Variants in VPS37C observed in about 807,000 individuals in gnomAD.
VPS37C encodes vacuolar protein sorting-associated protein 37C.
A neutral mutation model predicts 16.1 loss-of-function variants in VPS37C; 9 were observed. The observed-to-expected ratio is 0.56, with a 90% CI of 0.34 to 0.97. The LOEUF is 0.97. Among genes scored for constraint, VPS37C ranks in the 50% least tolerant of loss-of-function variants. The pLI is 0.02. For synonymous variants in VPS37C, 207 were observed against 206.4 expected (o/e 1.00, Z -0.02); for missense variants, 479 against 472.7 (o/e 1.01, Z -0.12).
At chr11:61,158,931 G>T (rs549721980) in intron 1 of VPS37C, among the ~76,000 whole-genome samples, 82 of 152,302 alleles carry the variant, frequency 5.4e-4, no homozygotes, top group African/African-American at 1.9e-3. Flanking sequence ...TCTGTCATTC[G>T]GTAAGCACCT....
In VPS37C at chr11:61,140,894, G is replaced by A. The variant is rs116773595; in HGVS notation, c.-6-2059C>T. Among the ~76,000 whole-genome samples, 865 of 152,180 alleles carry A rather than the reference G, an allele frequency of 5.7e-3. 10 individuals carry two copies. Among genetic ancestry groups the A allele is most frequent in the African/African-American group, 0.02 (834 of 41,510 alleles). The stretch of plus-strand genomic sequence containing the variant: ...CATTCTGTCCACACCTCACCTTACC[G>A]CTCCAAAACCCTTGGTCTAAAAGCC... On this transcript the variant is annotated intron_variant, in intron 1 of 4. Coordinates refer to ENST00000301765, the MANE Select transcript of VPS37C (RefSeq NM_017966.5).
At chr11:61,151,453 G>GCAGA (rs1431735647) in intron 1 of VPS37C, among the ~76,000 whole-genome samples, 1 of 152,204 alleles carries the variant, frequency 6.6e-6, no homozygotes, top group Non-Finnish European at 1.5e-5. Context: ...AATCTGTAAG[G>GCAGA]CAGACAGCCC....
rs1233610168 is a variant in VPS37C, at chr11:61,131,812, G to A, written c.*8C>T. 8.0e-7 allele frequency: 1 copy of A among 1,254,494 alleles called. No individual in the cohort carries two copies. Among genetic ancestry groups the A allele is most frequent in the Middle Eastern group, 3.0e-4 (1 of 3,286 alleles). The allele number at this position is 1,254,494 out of a possible 1,614,324, so 77.7% of individuals were successfully genotyped here. On this transcript the variant is annotated 3_prime_UTR_variant, in exon 5 of 5. Coordinates refer to ENST00000301765, the MANE Select transcript of VPS37C (RefSeq NM_017966.5). Reference sequence around the variant, plus strand: ...GGACTAGGGAGGGGCCGAGGGCCAGGAGTGTGTCTAATACCCAGGCCAGGC... The same window carrying A: ...GGACTAGGGAGGGGCCGAGGGCCAGAAGTGTGTCTAATACCCAGGCCAGGC...
At chr11:61,148,643 T>A (rs1423171455) in intron 1 of VPS37C, among the ~76,000 whole-genome samples, 1 of 152,068 alleles carries the variant, frequency 6.6e-6, no homozygotes, top group Admixed American at 6.5e-5. Flanking sequence ...AGCACTGAAC[T>A]GACTTTCCCC....
At chr11:61,149,577 C>T (rs1038323832) in intron 1 of VPS37C, among the ~76,000 whole-genome samples, 3 of 152,160 alleles carry the variant, frequency 2.0e-5, no homozygotes, top group African/African-American at 4.8e-5. Flanking sequence ...CTGTGCCAGG[C>T]GGCCAGCTAG....
intron 1 of VPS37C, chr11:61,144,801 C>T (rs1202777089): frequency 2.0e-5 from 3 of 152,208 alleles, no homozygotes; most frequent in South Asian, 2.1e-4. Flanking sequence ...GGAGTCCCCC[C>T]TACACGGAGG....
intron 1 of VPS37C, among the ~76,000 whole-genome samples, chr11:61,149,569 G>A (rs770863732): frequency 2.6e-5 from 4 of 152,196 alleles, no homozygotes; most frequent in African/African-American, 9.6e-5. Context: ...CCTGTCAACT[G>A]TGCCAGGCGG....
chr11:61,133,330 A>C lies in VPS37C; in HGVS notation c.273T>G (p.Phe91Leu). 6.2e-7 allele frequency: 1 copy of C among 1,614,102 alleles called. No homozygotes were observed. The highest frequency in any genetic ancestry group is 8.5e-7 in the Non-Finnish European group (1 of 1,180,018). ...CQEQKAKLEK[F>L]SSALQPGTLL... ...AGGTCCCTGGCTGCAGTGCTGAAGA[A>C]AATTTCTCTGGAAGGGAGGGCAGAA... Residue 91 changes from phenylalanine to leucine, a missense_variant, in exon 4 of 5, where the codon TTT becomes TTG. Coordinates refer to ENST00000301765, the MANE Select transcript of VPS37C (RefSeq NM_017966.5).
At chr11:61,155,450 G>A (rs1032299996) in intron 1 of VPS37C, among the ~76,000 whole-genome samples, 1 of 151,972 alleles carries the variant, frequency 6.6e-6, no homozygotes, top group African/African-American at 2.4e-5. Context: ...AGTGAGCTAT[G>A]ATCACGCCAC....
intron 2 of VPS37C, among the ~76,000 whole-genome samples, chr11:61,137,195 C>A (rs1031138328): frequency 6.6e-6 from 1 of 152,126 alleles, no homozygotes; most frequent in African/African-American, 2.4e-5. Flanking sequence ...CTCTCCTAGC[C>A]GTGTCCATGT....
At chr11:61,145,004 T>C (rs1412819990) in intron 1 of VPS37C, 1 of 152,244 alleles carries the variant, frequency 6.6e-6, no homozygotes, top group Non-Finnish European at 1.5e-5. Context: ...ACTTTCCTTA[T>C]CTGTAAAATG....
At chr11:61,133,373 G>C (rs1490190817) in intron 3 of VPS37C, 36 bp from the exon 4 acceptor site, 2 of 1,606,588 alleles carry the variant, frequency 1.2e-6, no homozygotes, top group Admixed American at 1.7e-5. Flanking sequence ...CATTTGAAAA[G>C]TGCTTCCTGA....
intron 2 of VPS37C, 47 bp downstream of exon 2, chr11:61,138,690 G>A: frequency 6.3e-7 from 1 of 1,575,896 alleles, no homozygotes; most frequent in Non-Finnish European, 8.7e-7. Flanking sequence ...CTCTTAACAA[G>A]CCTCATCTGC....
Position 61,134,174 on chromosome 11 carries a change from G to C in VPS37C, c.127C>G (p.Leu43Val). ...TCTGCCAGGCTCCGGTTGGTGGCCA[G>C]TGCCATCTCCCGTTCCAGCTGTAGG... ...QDLQLEREMA[L>V]ATNRSLAERN... The change falls in exon 3 of 5, where the codon CTG (leucine) becomes GTG (valine). Residue 43 changes from leucine to valine, a missense_variant. Transcript: ENST00000301765. 3 of 1,613,998 alleles carry C rather than the reference G, an allele frequency of 1.9e-6. No individual in the cohort carries two copies. The highest frequency in any genetic ancestry group is 1.1e-5 in the South Asian group (1 of 91,086).
At chr11:61,144,441 C>T (rs948478708) in intron 1 of VPS37C, 1 of 152,272 alleles carries the variant, frequency 6.6e-6, no homozygotes, top group Non-Finnish European at 1.5e-5. Flanking sequence ...GGCCTTGTCA[C>T]CCAGTCACCG....
intron 2 of VPS37C, among the ~76,000 whole-genome samples, chr11:61,137,744 A>C (rs1324854926): frequency 6.6e-6 from 1 of 151,944 alleles, no homozygotes; most frequent in Non-Finnish European, 1.5e-5. Context: ...CATGGTGTCC[A>C]CCTCTCCTCA....
Position 61,148,227 on chromosome 11 carries a change from C to T in VPS37C, c.-6-9392G>A, listed in dbSNP as rs903839019. ...CTGAAGCACGGCTCCCAGCACTCCC[C>T]TCGCCTTACCAGACAACACTTACTT... On this transcript the variant is annotated intron_variant, in intron 1 of 4. Transcript: ENST00000301765. Among the ~76,000 whole-genome samples the T allele has an allele frequency of 1.1e-4, 17 of 152,166 alleles. No homozygotes were observed. In the South Asian group the frequency reaches 1.2e-3, roughly 11 times the overall value.
Position 61,156,682 on chromosome 11 carries a change from TTTTA to T in VPS37C, c.-7+4705_-7+4708del, listed in dbSNP as rs1237292365. Among the ~76,000 whole-genome samples the T allele has an allele frequency of 6.6e-5, 10 of 152,350 alleles. No homozygotes were observed. In the South Asian group the frequency reaches 1.4e-3, roughly 22 times the overall value. On this transcript the variant is annotated intron_variant, in intron 1 of 4. Transcript: ENST00000301765. ...ACAAATTGTTTAGAAGTAAAAAACT[TTTTA>T]AGAGATATACCGTAATTTTTAAATC... is the stretch of plus-strand genomic sequence containing the variant.
intron 1 of VPS37C, among the ~76,000 whole-genome samples, chr11:61,146,321 G>T (rs1034859987): frequency 6.6e-6 from 1 of 152,252 alleles, no homozygotes; most frequent in African/African-American, 2.4e-5. Flanking sequence ...CTTACTATGA[G>T]CCAGACATGG....
Sources: gnomAD v4.1 joint callset for allele counts (sites outside exome capture counted in the v4.1 genomes callset) on GRCh38, gnomAD v4.1.1 for gene constraint, MANE v1.5 for transcripts, NCBI Gene and HGNC (gene_info 2026-07-23, HGNC 2026-07-21) for gene names.